SOX6: variants seen among roughly 807,000 people sequenced by gnomAD.
SOX6 encodes transcription factor SOX-6.
In SOX6, 11 loss-of-function variants were observed where a neutral mutation model predicts 97.8. The observed-to-expected ratio is 0.11, with a 90% CI of 0.07 to 0.19. The LOEUF (loss-of-function observed/expected upper bound fraction) is 0.19, where lower values mean the gene tolerates loss of function less well. SOX6 is among the 10% of genes least tolerant of loss of function. SOX6 has a pLI of 1.00. For synonymous variants in SOX6, 360 were observed against 371.4 expected, an observed-to-expected ratio of 0.97 and a Z score of 0.35; for missense variants, 810 against 1,039.5, an observed-to-expected ratio of 0.78 and a Z score of 3.04.
At chr11:16,075,662 G>C (rs1018576616) in intron 9 of SOX6, among the ~76,000 whole-genome samples, 10 of 152,110 alleles carry the variant, frequency 6.6e-5, no homozygotes, top group Admixed American at 1.3e-4. Flanking sequence ...GTTGGGGAGT[G>C]GGGGCTGGGG....
rs375389732 is a variant in SOX6 at position 16,401,379 on chromosome 11, A to C, written c.-4-60127T>G. ...TTAAAATGGAGCGTTAATAGTTACC[A>C]AAAAAAATCTTATGTGAATCCCAGA... On this transcript the variant is annotated intron_variant, in intron 1 of 15. Transcript: ENST00000396356. 1.1e-3 allele frequency among the ~76,000 whole-genome samples: 172 copies of C among 151,180 alleles called. 1 individual carries two copies. The highest frequency in any genetic ancestry group is 7.7e-3 in the South Asian group (37 of 4,810).
intron 9 of SOX6, among the ~76,000 whole-genome samples, chr11:16,078,547 A>C (rs888601607): frequency 6.6e-6 from 1 of 152,148 alleles, no homozygotes; most frequent in Non-Finnish European, 1.5e-5. Flanking sequence ...TCAATCAAAT[A>C]TTATTTATTG....
At chr11:15,996,219 T>C (rs1854219402) in intron 13 of SOX6, among the ~76,000 whole-genome samples, 2 of 152,092 alleles carry the variant, frequency 1.3e-5, no homozygotes, top group African/African-American at 4.8e-5. Context: ...AAGATGAGGG[T>C]ATAAATAGAA....
chr11:16,579,704 A>T (rs1848014372), intron 4 of SOX6, among the ~76,000 whole-genome samples: 1 of 152,100 alleles, frequency 6.6e-6, no homozygotes, highest in African/African-American at 2.4e-5. Context: ...TGTTGTGGAC[A>T]TATGGGTTGT....
Position 16,516,598 on chromosome 11 carries a change from G to A in SOX6, n.610-40210C>T, listed in dbSNP as rs1386391957. On this transcript the variant is annotated intron_variant and non_coding_transcript_variant, in intron 4 of 5. Transcript: ENST00000524520. Reference sequence around the variant, plus strand: ...TCTAGAAGAAATGGATAAATTCCTCGACACATACACTCTCCCAAGACTAAA... The same window carrying A: ...TCTAGAAGAAATGGATAAATTCCTCAACACATACACTCTCCCAAGACTAAA... Among the ~76,000 whole-genome samples the A allele has an allele frequency of 4.2e-3, 639 of 151,640 alleles. 5 individuals carry two copies. The highest frequency in any genetic ancestry group is 0.015 in the African/African-American group (603 of 41,312).
intron 12 of SOX6, among the ~76,000 whole-genome samples, chr11:16,042,732 C>T (rs1855703952): frequency 6.6e-6 from 1 of 152,122 alleles, no homozygotes; most frequent in South Asian, 2.1e-4. Flanking sequence ...AGTTTTAATT[C>T]TACCCATATA....
intron 1 of SOX6, among the ~76,000 whole-genome samples, chr11:16,392,685 G>T (rs1268686606): frequency 6.6e-6 from 1 of 152,034 alleles, no homozygotes; most frequent in Non-Finnish European, 1.5e-5. Flanking sequence ...TTCTTATGAG[G>T]TTTGGGGATA....
At chr11:16,660,137 AT>A (rs2134018605) in intron 3 of SOX6, among the ~76,000 whole-genome samples, 1 of 151,534 alleles carries the variant, frequency 6.6e-6, no homozygotes, top group African/African-American at 2.4e-5. Context: ...CTCTTTTGTT[AT>A]TTCTTTTCTT....
chr11:16,438,392 AT>A (rs1381947459), intron 1 of SOX6, among the ~76,000 whole-genome samples: 2 of 152,148 alleles, frequency 1.3e-5, no homozygotes, highest in African/African-American at 4.8e-5. Context: ...CTTTTCATTT[AT>A]TTTGCTGGAC....
intron 13 of SOX6, among the ~76,000 whole-genome samples, chr11:15,994,542 T>C (rs532848369): frequency 1.1e-4 from 16 of 152,110 alleles, no homozygotes; most frequent in Non-Finnish European, 1.9e-4. Context: ...TTGAGGTTTT[T>C]AACCAGAAGA....
intron 1 of SOX6, among the ~76,000 whole-genome samples, chr11:16,414,319 G>C (rs556638847): frequency 6.6e-6 from 1 of 152,208 alleles, no homozygotes; most frequent in South Asian, 2.1e-4. Context: ...GCAAATTCAA[G>C]AAACTACTTT....
intron 6 of SOX6, among the ~76,000 whole-genome samples, chr11:16,151,698 A>G (rs572948393): frequency 2.6e-5 from 4 of 152,328 alleles, no homozygotes; most frequent in East Asian, 1.9e-4. Flanking sequence ...TGGTCTATAA[A>G]TCATGACTAT....
intron 1 of SOX6, among the ~76,000 whole-genome samples, chr11:16,371,299 T>A (rs893973211): frequency 6.6e-6 from 1 of 152,070 alleles, no homozygotes; most frequent in Non-Finnish European, 1.5e-5. Flanking sequence ...CTTTCTCTTT[T>A]ACCTCAAGTT....
chr11:16,302,197 C>A (rs1346663144), intron 3 of SOX6, among the ~76,000 whole-genome samples: 1 of 152,134 alleles, frequency 6.6e-6, no homozygotes, highest in African/African-American at 2.4e-5. Flanking sequence ...CAAAATGCCA[C>A]CAAAGTTACT....
chr11:16,031,394 T>C (rs1855368450), intron 12 of SOX6: 1 of 152,212 alleles, frequency 6.6e-6, no homozygotes, highest in Non-Finnish European at 1.5e-5. Context: ...CATTTGATTC[T>C]GAATAAATGT....
intron 1 of SOX6, among the ~76,000 whole-genome samples, chr11:16,378,497 A>T (rs1857708456): frequency 6.6e-6 from 1 of 152,140 alleles, no homozygotes; most frequent in Non-Finnish European, 1.5e-5. Flanking sequence ...AAAGAAGCTA[A>T]AAAATAGACC....
intron 3 of SOX6, among the ~76,000 whole-genome samples, chr11:16,671,810 A>G (rs1420237505): frequency 6.6e-6 from 1 of 152,234 alleles, no homozygotes; most frequent in Admixed American, 6.5e-5. Context: ...CTCCTGAAAG[A>G]TTCTACACAA....
chr11:16,512,249 G>A (rs1274819720), intron 4 of SOX6, among the ~76,000 whole-genome samples: 1 of 152,136 alleles, frequency 6.6e-6, no homozygotes, highest in Admixed American at 6.5e-5. Context: ...AGTACTGGGG[G>A]ATATCTTAAC....
At position 16,233,046 on chromosome 11, in the gene SOX6, A is replaced by G. The variant is rs1852906884; in HGVS notation, c.535+1536T>C. On this transcript the variant is annotated intron_variant, in intron 4 of 15. Coordinates refer to ENST00000683767, the MANE Select transcript of SOX6 (RefSeq NM_001367873.1). Reference sequence around the variant, plus strand: ...AAAAAGATGACTTCCTTTTCTCTTCACTTGAATTGAACATGACATGCCTGA... The same window carrying G: ...AAAAAGATGACTTCCTTTTCTCTTCGCTTGAATTGAACATGACATGCCTGA... Among the ~76,000 whole-genome samples, 3 of 152,298 alleles carry G rather than the reference A, an allele frequency of 2.0e-5. No homozygotes were observed. In the South Asian group the frequency reaches 6.2e-4, roughly 32 times the overall value.
Sources: gnomAD v4.1 joint callset for allele counts (sites outside exome capture counted in the v4.1 genomes callset) on GRCh38, gnomAD v4.1.1 for gene constraint, MANE v1.5 for transcripts, NCBI Gene and HGNC (gene_info 2026-07-23, HGNC 2026-07-21) for gene names.